The following ZNF821 variants were observed in gnomAD, a reference collection of about 807,000 sequenced individuals.
ZNF821 encodes the protein zinc finger protein 821.
ZNF821 carries 16 observed loss-of-function variants against 44.3 expected under a neutral mutation model. That is an observed-to-expected ratio of 0.36 (90% CI 0.24 to 0.55). ZNF821 has a LOEUF of 0.55. Among genes scored for constraint, ZNF821 ranks in the 20% least tolerant of loss-of-function variants. The pLI, the probability that ZNF821 is intolerant of heterozygous loss-of-function variation, is 0.86. For missense variants in ZNF821, 436 were observed against 547.6 expected, an observed-to-expected ratio of 0.80 and a Z score of 2.03; for synonymous variants, 204 against 197.6, an observed-to-expected ratio of 1.03 and a Z score of -0.27.
chr16:71,867,827 C>A, intron 4 of ZNF821, 85 bp downstream of exon 4: 1 of 1,476,638 alleles, frequency 6.8e-7, no homozygotes, highest in South Asian at 1.3e-5. Flanking sequence ...TTCTCCCAAC[C>A]CCCATGCACA....
At chr16:71,891,982 A>T (rs61160783) in intron 1 of ZNF821, among the ~76,000 whole-genome samples, 12 of 120,798 alleles carry the variant, frequency 9.9e-5, no homozygotes, top group African/African-American at 3.9e-4. Flanking sequence ...GGCGACAGAG[A>T]GAGACTCCGT....
rs1015293297 is a variant in ZNF821, at chr16:71,859,927, C to G, written c.*91G>C. The stretch of plus-strand genomic sequence containing the variant: ...CTGCCTCTGGCAGCAAGGACAGGGC[C>G]TCGTGGGTGGCAGCAGCACTGGTCC... On this transcript the variant is annotated 3_prime_UTR_variant, in exon 8 of 8. Transcript: ENST00000425432. 18 of 1,382,390 alleles carry G rather than the reference C, an allele frequency of 1.3e-5. No individual in the cohort carries two copies. In the Admixed American group the frequency reaches 1.7e-4, roughly 13 times the overall value. The allele number at this position is 1,382,390 out of a possible 1,614,324, so 85.6% of individuals were successfully genotyped here. A position where few individuals can be genotyped will look rare whatever the true frequency, so the allele number is the denominator to read the frequency against.
chr16:71,860,843 A>G lies in ZNF821; in HGVS notation c.585-171T>C, dbSNP rs2033775855. Among the ~76,000 whole-genome samples, 2 of 143,670 alleles carry G rather than the reference A, an allele frequency of 1.4e-5. No homozygotes were observed. The highest frequency in any genetic ancestry group is 2.5e-5 in the African/African-American group (1 of 39,858). 94.3% of individuals were successfully genotyped at this position (143,670 alleles called of 152,430 possible). On this transcript the variant is annotated intron_variant, in intron 7 of 7. Transcript: ENST00000425432. This position sits in a 1 kb window ranked among gnomAD's most constrained non-coding sequence, Gnocchi z 7.3. ...GCTCCATCCCTTCTCTTCGCGTGAG[A>G]GTTGTCTACCAACTTTTTTTTTTTT...
chr16:71,889,696 AC>A (rs997400335), upstream of ZNF821, among the ~76,000 whole-genome samples: 3 of 151,950 alleles, frequency 2.0e-5, no homozygotes, highest in Non-Finnish European at 4.4e-5. Flanking sequence ...AAAAAACAAA[AC>A]AACAACAAAA....
In ZNF821 at chr16:71,860,189, C is replaced by A. The variant is rs1206562459; in HGVS notation, c.1068G>T (p.Leu356=). ...CTCGCAACATCATGTCCATTTTCTC[C>A]AGCCTCCTCTTGAGCCGCTTGGCCT... ...EREAKRLKRR[L]EKMDMMLRAQ... is the part of the protein sequence containing the mutation. Residue 356 remains leucine, a synonymous_variant, in exon 8 of 8, where the codon CTG becomes CTT. Coordinates refer to ENST00000425432, the MANE Select transcript of ZNF821 (RefSeq NM_001201552.2). The surrounding 1 kb of genome is among the most constrained non-coding windows in gnomAD (Gnocchi z 7.3). 6.2e-7 allele frequency: 1 copy of A among 1,614,234 alleles called. No individual in the cohort carries two copies.
At position 71,894,783 on chromosome 16, in the gene ZNF821, G is replaced by A; in HGVS notation, n.448+106C>T. 10 of 1,407,404 alleles carry A rather than the reference G, an allele frequency of 7.1e-6. No individual in the cohort carries two copies. In the South Asian group the frequency reaches 1.1e-4, roughly 16 times the overall value. The allele number at this position is 1,407,404 out of a possible 1,614,324, so 87.2% of individuals were successfully genotyped here. On this transcript the variant is annotated intron_variant and non_coding_transcript_variant, in intron 1 of 2. Transcript: ENST00000561700. ...ACTCCCGGGCTCAAGCGATCCTCCC[G>A]CCCCGCCTCTCAAAGTGCTGGGAAG...
At chr16:71,870,388 T>C (rs2335713) in intron 3 of ZNF821, among the ~76,000 whole-genome samples, 121,200 of 151,558 alleles carry the variant, frequency 0.8, 48,835 homozygotes, top group East Asian at 0.98. Context: ...AAAATGAATT[T>C]GATGGGGGAA....
intron 3 of ZNF821, among the ~76,000 whole-genome samples, chr16:71,874,355 G>T (rs541528939): frequency 6.6e-6 from 1 of 152,118 alleles, no homozygotes; most frequent in Non-Finnish European, 1.5e-5. Flanking sequence ...AAGCTCAGCC[G>T]TTACTCTGCT....
chr16:71,868,640 G>A (rs371573324), intron 3 of ZNF821, among the ~76,000 whole-genome samples: 13 of 152,234 alleles, frequency 8.5e-5, no homozygotes, highest in African/African-American at 2.6e-4. Context: ...GTTGAATAGT[G>A]GACTAGAAGA....
chr16:71,876,886 T>C (rs1242926573), intron 3 of ZNF821, among the ~76,000 whole-genome samples: 2 of 152,232 alleles, frequency 1.3e-5, no homozygotes, highest in Non-Finnish European at 2.9e-5. Context: ...ATTACAGGCA[T>C]GAGCCACCGA....
chr16:71,875,653 G>A (rs754258863), intron 3 of ZNF821, among the ~76,000 whole-genome samples: 12 of 152,030 alleles, frequency 7.9e-5, no homozygotes, highest in African/African-American at 1.7e-4. Context: ...TAGTAGAGAC[G>A]GGGTTACACC....
chr16:71,872,228 A>AT (rs1439853992), intron 3 of ZNF821, among the ~76,000 whole-genome samples: 3 of 152,154 alleles, frequency 2.0e-5, no homozygotes, highest in Non-Finnish European at 4.4e-5. Context: ...AAAGGTAAAG[A>AT]TTTTACAGTT....
chr16:71,889,477 A>C (rs2036874472), upstream of ZNF821, among the ~76,000 whole-genome samples: 1 of 152,102 alleles, frequency 6.6e-6, no homozygotes, highest in African/African-American at 2.4e-5. Context: ...GTTCAAGACC[A>C]GCCTGGCCAA....
chr16:71,866,020 A>G (rs2034500033), intron 4 of ZNF821, among the ~76,000 whole-genome samples: 1 of 152,200 alleles, frequency 6.6e-6, no homozygotes, highest in South Asian at 2.1e-4. Flanking sequence ...TCTGAAAGGG[A>G]AAAAATAAAG....
intron 1 of ZNF821, chr16:71,894,425 T>A (rs2036924742): frequency 6.3e-6 from 1 of 158,922 alleles, no homozygotes; most frequent in Admixed American, 6.5e-5. Flanking sequence ...ATTTCCTCTT[T>A]AGTAGAGACG....
chr16:71,876,894 C>T (rs1042865248), intron 3 of ZNF821, among the ~76,000 whole-genome samples: 17 of 152,090 alleles, frequency 1.1e-4, no homozygotes, highest in Middle Eastern at 3.4e-3. Context: ...CATGAGCCAC[C>T]GAGCTCGGCT....
At chr16:71,871,149 A>T (rs905263127) in intron 3 of ZNF821, among the ~76,000 whole-genome samples, 9 of 152,158 alleles carry the variant, frequency 5.9e-5, no homozygotes, top group Non-Finnish European at 1.2e-4. Context: ...GGAAAGAGAG[A>T]GAGTCTGTTC....
intron 1 of ZNF821, chr16:71,894,226 G>A (rs962901639): frequency 3.3e-5 from 5 of 152,082 alleles, no homozygotes; most frequent in Non-Finnish European, 5.9e-5. Flanking sequence ...TCCACAGCAG[G>A]GAGCAGATGA....
intron 2 of ZNF821, chr16:71,880,468 G>A (rs983994019): frequency 2.6e-5 from 4 of 152,388 alleles, no homozygotes; most frequent in South Asian, 2.1e-4. Flanking sequence ...CTACACCAGC[G>A]GATTTTTCAT....
Sources: gnomAD v4.1 joint callset for allele counts (sites outside exome capture counted in the v4.1 genomes callset) on GRCh38, gnomAD v4.1.1 for gene constraint, Gnocchi (gnomAD v3.1) non-coding constraint, MANE v1.5 for transcripts, NCBI Gene and HGNC (gene_info 2026-07-23, HGNC 2026-07-21) for gene names.